Variants in ADSL observed in about 807,000 individuals in gnomAD.
The protein encoded by ADSL is adenylosuccinate lyase.
A neutral mutation model predicts 62.1 loss-of-function variants in ADSL; 44 were observed. The observed-to-expected ratio is 0.71, with a 90% confidence interval of 0.56 to 0.91. The LOEUF (loss-of-function observed/expected upper bound fraction) is 0.91, where lower values mean the gene tolerates loss of function less well. Among genes scored for constraint, ADSL ranks in the 40% least tolerant of loss-of-function variants. The pLI is 0.00. For missense variants in ADSL, 531 were observed against 627.4 expected (o/e 0.85, Z 1.64); for synonymous variants, 198 against 220.5 (o/e 0.90, Z 0.90).
chr22:40,363,024 T>C lies in ADSL; in HGVS notation c.1054T>C (p.Leu352=). Residue 352 remains leucine, a synonymous_variant, in exon 10 of 13, where the codon TTG becomes CTG. Coordinates refer to ENST00000623063, the MANE Select transcript of ADSL (RefSeq NM_000026.4). ...GGCATTTCTTACCGCAGATACTATATTGAATACGCTGCAGAACATTTCTGA... is the reference window on the plus strand; with the variant it reads ...GGCATTTCTTACCGCAGATACTATACTGAATACGCTGCAGAACATTTCTGA... ...AEAFLTADTI[L]NTLQNISEGL... The C allele has an allele frequency of 6.2e-7, 1 of 1,614,178 alleles. No individual in the cohort carries two copies. Among genetic ancestry groups the C allele is most frequent in the Non-Finnish European group, 8.5e-7 (1 of 1,180,040 alleles).
At chr22:40,361,160 G>T (rs2044767957) in intron 7 of ADSL, 113 bp from the exon 8 acceptor site, 2 of 1,011,196 alleles carry the variant, frequency 2.0e-6, no homozygotes, top group Admixed American at 1.7e-5. Flanking sequence ...CTGGTCTTCA[G>T]CTCAGCCACA....
chr22:40,358,417 C>G (rs1483003948), intron 4 of ADSL, among the ~76,000 whole-genome samples: 1 of 152,008 alleles, frequency 6.6e-6, no homozygotes, highest in Non-Finnish European at 1.5e-5. Flanking sequence ...GACCCCGTCA[C>G]TACAAAAAAT....
chr22:40,387,501 A>G (rs746597159), intron 2 of ADSL: 5 of 296,016 alleles, frequency 1.7e-5, no homozygotes, highest in Non-Finnish European at 2.5e-5. Flanking sequence ...CTAATCTCCT[A>G]TGTTAATATA....
At chr22:40,358,295 C>G (rs2044642482) in intron 4 of ADSL, among the ~76,000 whole-genome samples, 1 of 152,156 alleles carries the variant, frequency 6.6e-6, no homozygotes, top group Admixed American at 6.6e-5. Flanking sequence ...AATAAATTGT[C>G]TCTTGCCGTG....
intron 2 of ADSL, among the ~76,000 whole-genome samples, chr22:40,382,496 A>C (rs951746302): frequency 1.3e-5 from 2 of 152,136 alleles, no homozygotes; most frequent in Non-Finnish European, 2.9e-5. Context: ...TGACCTCTCC[A>C]TGTTACCTTA....
At position 40,355,422 on chromosome 22, in the gene ADSL, T is replaced by C. The variant is rs141835407; in HGVS notation, c.482+1095T>C. On this transcript the variant is annotated intron_variant, in intron 4 of 12. Transcript: ENST00000623063. ...ATCCGCCCACCTCGGCCTCCCAAAGTGCTGGGATTACAGGCGTGAGCCACC... is the reference window on the plus strand; with the variant it reads ...ATCCGCCCACCTCGGCCTCCCAAAGCGCTGGGATTACAGGCGTGAGCCACC... 1.5e-4 allele frequency among the ~76,000 whole-genome samples: 23 copies of C among 152,272 alleles called. No homozygotes were observed. The East Asian group carries it at 4.4e-3, about 29-fold the overall frequency.
Position 40,354,229 on chromosome 22 carries a change from C to T in ADSL, c.403-19C>T, listed in dbSNP as rs773064518. The T allele has an allele frequency of 1.9e-6, 3 of 1,610,758 alleles. No homozygotes were observed. Among genetic ancestry groups the T allele is most frequent in the Non-Finnish European group, 1.7e-6 (2 of 1,177,044 alleles). On this transcript the variant is annotated intron_variant, in intron 3 of 12. Transcript: ENST00000623063. ...CAACCTGAATTCAACCTCTTTCTAT[C>T]ACATGATCTTTCTTGTAGCTTGCCA...
chr22:40,349,193 G>A (rs1478733569), intron 1 of ADSL, among the ~76,000 whole-genome samples: 1 of 152,066 alleles, frequency 6.6e-6, no homozygotes, highest in African/African-American at 2.4e-5. Context: ...GGTGATAAGT[G>A]CTGTAAATAA....
rs769075937 is a variant in ADSL at position 40,361,262 on chromosome 22, A to G, written c.793-11A>G. The G allele has an allele frequency of 5.6e-6, 9 of 1,613,338 alleles. No individual in the cohort carries two copies. The highest frequency in any genetic ancestry group is 5.5e-5 in the South Asian group (5 of 91,048). ...AGTGTGGGGTGATGCTTATTCCCCTACCTCCCCCAGATTTGCACCGACATA... is the reference window on the plus strand; with the variant it reads ...AGTGTGGGGTGATGCTTATTCCCCTGCCTCCCCCAGATTTGCACCGACATA... On this transcript the variant is annotated splice_polypyrimidine_tract_variant and intron_variant, in intron 7 of 12. Coordinates refer to ENST00000623063, the MANE Select transcript of ADSL (RefSeq NM_000026.4).
rs117024557 is a variant in ADSL, at chr22:40,347,809, G to A, written c.153+1098G>A. 9.7e-3 allele frequency among the ~76,000 whole-genome samples: 1,484 copies of A among 152,340 alleles called. 15 individuals are homozygous for A. Among genetic ancestry groups the A allele is most frequent in the South Asian group, 0.025 (119 of 4,828 alleles). On this transcript the variant is annotated intron_variant, in intron 1 of 12. Transcript: ENST00000623063. ...ATACTATGACTGTACCTGTTTTACA[G>A]ATGGAAGAATGAAGCATCAACTTAA...
Position 40,353,068 on chromosome 22 carries a change from C to G in ADSL, c.358-5C>G, listed in dbSNP as rs769856337. On this transcript the variant is annotated splice_region_variant and splice_polypyrimidine_tract_variant and intron_variant, in intron 2 of 12. Coordinates refer to ENST00000623063, the MANE Select transcript of ADSL (RefSeq NM_000026.4). ...AATATAAGATCATTGCATTTTCTTTCGTAGGACTTGATTATTCTTAGAAAT... is the reference window on the plus strand; with the variant it reads ...AATATAAGATCATTGCATTTTCTTTGGTAGGACTTGATTATTCTTAGAAAT... 1.2e-6 allele frequency: 2 copies of G among 1,612,552 alleles called. No individual in the cohort carries two copies. The highest frequency in any genetic ancestry group is 8.5e-7 in the Non-Finnish European group (1 of 1,178,632).
intron 1 of ADSL, among the ~76,000 whole-genome samples, chr22:40,347,152 G>A (rs2044174300): frequency 6.6e-6 from 1 of 152,236 alleles, no homozygotes; most frequent in African/African-American, 2.4e-5. Context: ...CGGACAGCTT[G>A]TTGTTTGCCC....
At chr22:40,350,300 A>G (rs2044296611) in intron 2 of ADSL, 4 of 407,444 alleles carry the variant, frequency 9.8e-6, no homozygotes, top group Non-Finnish European at 1.8e-5. Flanking sequence ...ATTTTTTTGT[A>G]TTTTTTTAGT....
At chr22:40,384,429 T>A (rs1380756482) in intron 2 of ADSL, among the ~76,000 whole-genome samples, 1 of 152,118 alleles carries the variant, frequency 6.6e-6, no homozygotes, top group Non-Finnish European at 1.5e-5. Context: ...CCAGTCTGGA[T>A]AACATAGGGA....
intron 4 of ADSL, among the ~76,000 whole-genome samples, chr22:40,357,785 A>G (rs990521232): frequency 6.6e-6 from 1 of 151,066 alleles, no homozygotes; most frequent in African/African-American, 2.4e-5. Context: ...CTTTTTTTTC[A>G]TTTGTTTTTT....
At chr22:40,349,375 C>CT (rs71263543) in intron 1 of ADSL, among the ~76,000 whole-genome samples, 9,306 of 135,892 alleles carry the variant, frequency 0.068, 338 homozygotes, top group Middle Eastern at 0.16. Context: ...TTGGAGCTTT[C>CT]TTTTTTTTTT....
chr22:40,369,446 ATATAT>A (rs2146686766), downstream of ADSL: 2 of 147,844 alleles, frequency 1.4e-5, no homozygotes, highest in African/African-American at 4.9e-5. Context: ...ATACATTCAT[ATATAT>A]TATATATAAT....
Position 40,366,702 on chromosome 22 carries a change from G to A in ADSL, c.*180G>A, listed in dbSNP as rs962823670. On this transcript the variant is annotated 3_prime_UTR_variant, in exon 13 of 13. Transcript: ENST00000623063. Reference sequence around the variant, plus strand: ...TCTCAACAAGGCAAAAACAAAGAGCGTTGAAGTTGACTCTGCTCTTGCATA... The same window carrying A: ...TCTCAACAAGGCAAAAACAAAGAGCATTGAAGTTGACTCTGCTCTTGCATA... The A allele has an allele frequency of 2.2e-5, 13 of 601,650 alleles. No homozygotes were observed. The highest frequency in any genetic ancestry group is 5.6e-5 in the South Asian group (3 of 53,480). The allele number at this position is 601,650 out of a possible 1,614,324, so 37.3% of individuals were successfully genotyped here. A position where few individuals can be genotyped will look rare whatever the true frequency, so the allele number is the denominator to read the frequency against.
At chr22:40,371,046 G>A (rs2045342842), downstream of ADSL, among the ~76,000 whole-genome samples, 1 of 152,238 alleles carries the variant, frequency 6.6e-6, no homozygotes, top group Non-Finnish European at 1.5e-5. Flanking sequence ...TTTCTAAAAA[G>A]AGCCTGGCTG....
Sources: gnomAD v4.1 joint callset for allele counts (sites outside exome capture counted in the v4.1 genomes callset) on GRCh38, gnomAD v4.1.1 for gene constraint, MANE v1.5 for transcripts, NCBI Gene and HGNC (gene_info 2026-07-23, HGNC 2026-07-21) for gene names.